Variants in ENTHD1 observed in about 807,000 individuals in gnomAD.
ENTHD1 encodes the protein ENTH domain containing 1.
In ENTHD1, 23 loss-of-function variants were observed where a neutral mutation model predicts 39.1. That is an observed-to-expected ratio of 0.59 (90% CI 0.42 to 0.83). The LOEUF is 0.83. ENTHD1 is among the 40% of genes least tolerant of loss of function. The pLI is 0.00. For synonymous variants in ENTHD1, 230 were observed against 258.2 expected (o/e 0.89, Z 1.05); for missense variants, 624 against 705.4 (o/e 0.88, Z 1.31).
intron 5 of ENTHD1, among the ~76,000 whole-genome samples, chr22:39,770,272 G>T (rs1254300962): frequency 6.6e-6 from 1 of 152,154 alleles, no homozygotes; most frequent in African/African-American, 2.4e-5. Context: ...GTGCTAGAGG[G>T]AGATGGGAAG....
intron 5 of ENTHD1, among the ~76,000 whole-genome samples, chr22:39,815,076 T>G (rs1033150844): frequency 6.6e-6 from 1 of 152,138 alleles, no homozygotes; most frequent in African/African-American, 2.4e-5. Context: ...CCAACAGACA[T>G]GGACACGTCA....
intron 5 of ENTHD1, among the ~76,000 whole-genome samples, chr22:39,816,883 A>G (rs933544079): frequency 3.3e-5 from 5 of 151,926 alleles, no homozygotes; most frequent in Non-Finnish European, 7.4e-5. Flanking sequence ...TAGCAGAGAA[A>G]GAATCAGATA....
intron 5 of ENTHD1, among the ~76,000 whole-genome samples, chr22:39,807,614 CCT>C (rs2065653472): frequency 6.6e-6 from 1 of 152,190 alleles, no homozygotes; most frequent in Non-Finnish European, 1.5e-5. Context: ...CCCACCCCAG[CCT>C]CTCACATTGT....
intron 3 of ENTHD1, among the ~76,000 whole-genome samples, chr22:39,836,280 TAAGTC>T (rs1232833851): frequency 6.6e-6 from 1 of 152,200 alleles, no homozygotes; most frequent in African/African-American, 2.4e-5. Context: ...ATAATTATGA[TAAGTC>T]AATCTAGAAT....
intron 6 of ENTHD1, among the ~76,000 whole-genome samples, chr22:39,752,200 A>G (rs184894210): frequency 6.6e-6 from 1 of 152,260 alleles, no homozygotes; most frequent in African/African-American, 2.4e-5. Context: ...GTATCTATAT[A>G]TATCTTGTTA....
chr22:39,795,774 G>A (rs1046121083), intron 5 of ENTHD1, among the ~76,000 whole-genome samples: 6 of 151,834 alleles, frequency 4.0e-5, no homozygotes, highest in African/African-American at 1.5e-4. Flanking sequence ...CTATCAGTTT[G>A]TTCATATTTT....
At chr22:39,764,678 T>C (rs540870834) in intron 6 of ENTHD1, among the ~76,000 whole-genome samples, 1 of 151,546 alleles carries the variant, frequency 6.6e-6, no homozygotes. Context: ...CTTTATCCTT[T>C]ATTACCCAGT....
intron 6 of ENTHD1, among the ~76,000 whole-genome samples, chr22:39,754,026 T>C (rs1194723406): frequency 6.6e-6 from 1 of 152,144 alleles, no homozygotes; most frequent in African/African-American, 2.4e-5. Context: ...ACCACTCCCT[T>C]GCTGCCATGT....
intron 6 of ENTHD1, among the ~76,000 whole-genome samples, chr22:39,745,788 A>G (rs1010682935): frequency 2.0e-5 from 3 of 152,220 alleles, no homozygotes; most frequent in African/African-American, 7.2e-5. Context: ...TTTAGGCTTA[A>G]TGATCGTTTG....
intron 5 of ENTHD1, among the ~76,000 whole-genome samples, chr22:39,795,738 T>C (rs2050902063): frequency 6.6e-6 from 1 of 152,138 alleles, no homozygotes; most frequent in Non-Finnish European, 1.5e-5. Flanking sequence ...GAAGACTTTT[T>C]ATTACTGATT....
chr22:39,854,641 A>G (rs2066070449), intron 3 of ENTHD1, among the ~76,000 whole-genome samples: 1 of 152,174 alleles, frequency 6.6e-6, no homozygotes, highest in Non-Finnish European at 1.5e-5. Flanking sequence ...CTTCAAAAGC[A>G]TCGAAACAAA....
intron 6 of ENTHD1, among the ~76,000 whole-genome samples, chr22:39,757,319 G>A (rs1374735693): frequency 1.3e-5 from 2 of 151,998 alleles, no homozygotes; most frequent in African/African-American, 2.4e-5. Context: ...GCTCAAGCTG[G>A]AGTCCAGTGG....
chr22:39,789,737 C>T (rs1475539463), intron 5 of ENTHD1, among the ~76,000 whole-genome samples: 1 of 152,020 alleles, frequency 6.6e-6, no homozygotes, highest in Admixed American at 6.6e-5. Flanking sequence ...ATGTGAACAA[C>T]TGAACAAGTA....
At chr22:39,856,128 G>C (rs1328736957) in intron 3 of ENTHD1, among the ~76,000 whole-genome samples, 1 of 152,040 alleles carries the variant, frequency 6.6e-6, no homozygotes, top group Non-Finnish European at 1.5e-5. Context: ...TACAAAATTA[G>C]CCGGGTATGG....
At position 39,862,411 on chromosome 22, in the gene ENTHD1, G is replaced by C. The variant is rs373567335; in HGVS notation, c.350-404C>G. ...AAAATACAAAAAACTAGCTGGGCAT[G>C]GTGGCATGTGCCTGTAGTCCCAGCT... On this transcript the variant is annotated intron_variant, in intron 2 of 6. Transcript: ENST00000325157. Among the ~76,000 whole-genome samples the C allele has an allele frequency of 2.2e-3, 342 of 152,118 alleles. 1 individual carries two copies. The highest frequency in any genetic ancestry group is 7.8e-3 in the African/African-American group (324 of 41,506).
At chr22:39,865,678 T>C (rs2066176569) in intron 2 of ENTHD1, among the ~76,000 whole-genome samples, 1 of 152,180 alleles carries the variant, frequency 6.6e-6, no homozygotes. Context: ...CCCAAGGATA[T>C]TACATAAAAC....
At chr22:39,866,908 C>G (rs1222263091) in intron 2 of ENTHD1, among the ~76,000 whole-genome samples, 1 of 147,976 alleles carries the variant, frequency 6.8e-6, no homozygotes, top group African/African-American at 2.5e-5. Context: ...AATCTACATA[C>G]TTTTTTTTTT....
In ENTHD1 at chr22:39,826,307, G is replaced by T. The variant is rs373279866; in HGVS notation, c.712-5194C>A. 2.6e-3 allele frequency among the ~76,000 whole-genome samples: 388 copies of T among 151,122 alleles called. 1 individual carries two copies. The highest frequency in any genetic ancestry group is 9.0e-3 in the African/African-American group (369 of 41,178). ...CTTTGTCTTTGCCAGTCTTGTTAGA[G>T]GTTTATCAACTTTTATTGTTTTTTA... On this transcript the variant is annotated intron_variant, in intron 4 of 6. Coordinates refer to ENST00000325157, the MANE Select transcript of ENTHD1 (RefSeq NM_152512.4).
rs1162160500 is a variant in ENTHD1 at position 39,861,977 on chromosome 22, A to T, written c.380T>A (p.Val127Asp). ...GYYIREKSKQVITLLMDEPLL... is the reference protein window; with the variant it reads ...GYYIREKSKQDITLLMDEPLL... ...TGGTTCATCCATCAGCAATGTGATGACTTGCTTAGATTTTTCCCGGATATA... is the reference window on the plus strand; with the variant it reads ...TGGTTCATCCATCAGCAATGTGATGTCTTGCTTAGATTTTTCCCGGATATA... Residue 127 changes from valine to aspartate, a missense_variant, in exon 3 of 7, where the codon GTC (valine) becomes GAC (aspartate). Val to Asp is a radical substitution (Grantham distance 152). Coordinates refer to ENST00000325157, the MANE Select transcript of ENTHD1 (RefSeq NM_152512.4). 1.8e-5 allele frequency: 27 copies of T among 1,521,638 alleles called. No homozygotes were observed. The highest frequency in any genetic ancestry group is 2.4e-5 in the Non-Finnish European group (27 of 1,121,062). 94.3% of individuals were successfully genotyped at this position (1,521,638 alleles called of 1,614,324 possible).
Sources: gnomAD v4.1 joint callset for allele counts (sites outside exome capture counted in the v4.1 genomes callset) on GRCh38, gnomAD v4.1.1 for gene constraint, MANE v1.5 for transcripts, NCBI Gene and HGNC (gene_info 2026-07-23, HGNC 2026-07-21) for gene names.